RNFT2: variants seen among roughly 807,000 people sequenced by gnomAD.
RNFT2 encodes the protein ring finger protein, transmembrane 2.
A neutral mutation model predicts 53.0 loss-of-function variants in RNFT2; 36 were observed. That is an observed-to-expected ratio of 0.68 (90% CI 0.52 to 0.90). The LOEUF is 0.90. Among genes scored for constraint, RNFT2 ranks in the 40% least tolerant of loss-of-function variants. RNFT2 has a pLI of 0.00. For synonymous variants in RNFT2, 260 were observed against 253.2 expected (o/e 1.03, Z -0.26); for missense variants, 514 against 585.6 (o/e 0.88, Z 1.26).
intron 7 of RNFT2, among the ~76,000 whole-genome samples, chr12:116,780,202 T>C (rs990046569): frequency 4.6e-5 from 7 of 152,178 alleles, no homozygotes; most frequent in African/African-American, 1.4e-4. Context: ...TCACCTTTCA[T>C]GTCCACTCCC....
chr12:116,784,638 C>G (rs1873852177), intron 7 of RNFT2, among the ~76,000 whole-genome samples: 1 of 152,168 alleles, frequency 6.6e-6, no homozygotes. Flanking sequence ...CAGAGTGTAG[C>G]ACCTCCCTCC....
At chr12:116,807,153 C>T (rs7305537) in intron 7 of RNFT2, among the ~76,000 whole-genome samples, 6,021 of 152,080 alleles carry the variant, frequency 0.04, 170 homozygotes, top group South Asian at 0.087. Context: ...GAAGGAATAT[C>T]GGGAGGCACT....
intron 10 of RNFT2, among the ~76,000 whole-genome samples, chr12:116,843,021 A>C (rs56359945): frequency 0.012 from 1,761 of 151,664 alleles, 32 homozygotes; most frequent in African/African-American, 0.041. Context: ...CCCCTCTCCC[A>C]CTCAAAGCCT....
intron 7 of RNFT2, among the ~76,000 whole-genome samples, chr12:116,811,898 G>A (rs1402448279): frequency 6.6e-6 from 1 of 152,138 alleles, no homozygotes; most frequent in Admixed American, 6.5e-5. Flanking sequence ...TTACCAATAG[G>A]CACCAGCCCT....
At chr12:116,819,226 G>A (rs549073158) in intron 7 of RNFT2, among the ~76,000 whole-genome samples, 2 of 152,240 alleles carry the variant, frequency 1.3e-5, no homozygotes, top group Non-Finnish European at 2.9e-5. Context: ...AAATAAGAGA[G>A]CGGGGAGTGG....
intron 6 of RNFT2, among the ~76,000 whole-genome samples, chr12:116,771,212 C>A (rs907838254): frequency 6.6e-6 from 1 of 152,004 alleles, no homozygotes; most frequent in Admixed American, 6.6e-5. Flanking sequence ...GTAATCCCAG[C>A]ACTTTGGGAG....
intron 7 of RNFT2, among the ~76,000 whole-genome samples, chr12:116,833,536 C>T (rs1442389783): frequency 3.3e-5 from 5 of 152,228 alleles, no homozygotes. Context: ...GTTTCTCCTA[C>T]CCTGAAACTC....
chr12:116,814,006 C>T (rs765935061), intron 7 of RNFT2, among the ~76,000 whole-genome samples: 7 of 152,086 alleles, frequency 4.6e-5, no homozygotes, highest in Non-Finnish European at 8.8e-5. Flanking sequence ...GTGCTAGGCT[C>T]GATTTATCAA....
At chr12:116,826,370 C>T (rs755189143) in intron 7 of RNFT2, among the ~76,000 whole-genome samples, 18 of 152,144 alleles carry the variant, frequency 1.2e-4, no homozygotes, top group Non-Finnish European at 2.4e-4. Flanking sequence ...CAATTGCTAC[C>T]GTTTCCCCTT....
chr12:116,769,411 A>G (rs572154873), intron 6 of RNFT2, among the ~76,000 whole-genome samples: 49 of 152,300 alleles, frequency 3.2e-4, no homozygotes, highest in South Asian at 1.0e-3. Flanking sequence ...CTATCGTAGG[A>G]GATTACAGCT....
In RNFT2 at chr12:116,828,318, G is replaced by T. The variant is rs1252072610; in HGVS notation, c.883-5474G>T. Among the ~76,000 whole-genome samples the T allele has an allele frequency of 2.0e-5, 3 of 152,172 alleles. No homozygotes were observed. In the South Asian group the frequency reaches 6.2e-4, roughly 32 times the overall value. ...TCTATTTCAGGAGGTCTGGGGTGAGGCCTAAGAGCCTGCATTTCTAACCAG... is the reference window on the plus strand; with the variant it reads ...TCTATTTCAGGAGGTCTGGGGTGAGTCCTAAGAGCCTGCATTTCTAACCAG... On this transcript the variant is annotated intron_variant, in intron 7 of 10. Coordinates refer to ENST00000257575, the MANE Select transcript of RNFT2 (RefSeq NM_001382266.1).
At chr12:116,752,475 C>G (rs1401855027) in intron 4 of RNFT2, among the ~76,000 whole-genome samples, 2 of 151,910 alleles carry the variant, frequency 1.3e-5, no homozygotes, top group Non-Finnish European at 2.9e-5. Context: ...AGAAGAGTAC[C>G]AAAAAGGATT....
chr12:116,835,717 G>A (rs929423809), intron 8 of RNFT2, among the ~76,000 whole-genome samples: 1 of 152,172 alleles, frequency 6.6e-6, no homozygotes, highest in African/African-American at 2.4e-5. Flanking sequence ...AGGGAAATAG[G>A]CACTATGCAT....
chr12:116,829,576 C>T (rs190585250), intron 7 of RNFT2, among the ~76,000 whole-genome samples: 1 of 152,298 alleles, frequency 6.6e-6, no homozygotes, highest in African/African-American at 2.4e-5. Flanking sequence ...GAATCCTCTT[C>T]TGAGTGACAT....
intron 7 of RNFT2, among the ~76,000 whole-genome samples, chr12:116,781,906 G>A (rs781235017): frequency 5.9e-5 from 9 of 151,600 alleles, no homozygotes; most frequent in African/African-American, 1.2e-4. Flanking sequence ...GTGAAACCCC[G>A]TCTCTACTAA....
At chr12:116,759,994 G>T (rs939853958) in intron 5 of RNFT2, among the ~76,000 whole-genome samples, 1 of 152,098 alleles carries the variant, frequency 6.6e-6, no homozygotes, top group South Asian at 2.1e-4. Flanking sequence ...GAGGCTAGGC[G>T]TTTCTGACCT....
intron 10 of RNFT2, among the ~76,000 whole-genome samples, chr12:116,842,946 C>T (rs957923638): frequency 6.6e-6 from 1 of 152,162 alleles, no homozygotes; most frequent in African/African-American, 2.4e-5. Flanking sequence ...TCCACCTGGA[C>T]CCAGGCCTGG....
intron 7 of RNFT2, among the ~76,000 whole-genome samples, chr12:116,791,404 G>A (rs1468285182): frequency 1.5e-4 from 23 of 152,166 alleles, no homozygotes; most frequent in Non-Finnish European, 8.8e-5. Context: ...TCTGCCTCCC[G>A]GGTTCAAGCA....
At chr12:116,771,406 G>A (rs370173024) in intron 6 of RNFT2, among the ~76,000 whole-genome samples, 7 of 141,580 alleles carry the variant, frequency 4.9e-5, no homozygotes, top group South Asian at 2.3e-4. Flanking sequence ...GCTGCAGTGA[G>A]CCATAATCAC....
Sources: allele counts gnomAD v4.1 joint callset (sites outside exome capture counted in the v4.1 genomes callset), GRCh38; gene constraint gnomAD v4.1.1; transcripts MANE v1.5; gene names NCBI Gene and HGNC (gene_info 2026-07-23, HGNC 2026-07-21).